The following LRRTM3 variants were observed in gnomAD, a reference collection of about 807,000 sequenced individuals.
The protein encoded by LRRTM3 is leucine rich repeat transmembrane neuronal 3, also known as leucine-rich repeat transmembrane neuronal protein 3.
Under a neutral mutation model 44.7 loss-of-function variants are expected in LRRTM3, and 24 were observed. The ratio of observed to expected loss-of-function variants is 0.54; its 90% confidence interval spans 0.39 to 0.76. LRRTM3 has a LOEUF of 0.76. Among genes scored for constraint, LRRTM3 ranks in the 30% least tolerant of loss-of-function variants. The pLI is 0.00. For synonymous variants in LRRTM3, 277 were observed against 278.7 expected, an observed-to-expected ratio of 0.99 and a Z score of 0.06; for missense variants, 587 against 702.2, an observed-to-expected ratio of 0.84 and a Z score of 1.85.
At chr10:67,059,290 T>A (rs1366925563) in intron 2 of LRRTM3, among the ~76,000 whole-genome samples, 1 of 152,012 alleles carries the variant, frequency 6.6e-6, no homozygotes, top group Non-Finnish European at 1.5e-5. Context: ...TGAATTGACA[T>A]CATGTTAGTG....
chr10:66,996,976 A>C (rs1466241711), intron 2 of LRRTM3, among the ~76,000 whole-genome samples: 1 of 152,134 alleles, frequency 6.6e-6, no homozygotes, highest in East Asian at 1.9e-4. Context: ...TCTTGGATTA[A>C]ATGCAAAAGA....
chr10:66,981,368 T>C (rs1850430596), intron 2 of LRRTM3, among the ~76,000 whole-genome samples: 1 of 152,240 alleles, frequency 6.6e-6, no homozygotes, highest in Non-Finnish European at 1.5e-5. Flanking sequence ...ATCAGCTCAC[T>C]CAGGCATAAG....
At chr10:66,994,216 T>C (rs1477067353) in intron 2 of LRRTM3, among the ~76,000 whole-genome samples, 2 of 152,076 alleles carry the variant, frequency 1.3e-5, no homozygotes, top group African/African-American at 4.8e-5. Context: ...GGTACTCCAG[T>C]GGTTAAAAGG....
At chr10:67,060,267 G>A (rs755718501) in intron 2 of LRRTM3, among the ~76,000 whole-genome samples, 6 of 152,242 alleles carry the variant, frequency 3.9e-5, no homozygotes, top group African/African-American at 7.2e-5. Context: ...GCAGTGAGCC[G>A]AGATTGTGCC....
intron 2 of LRRTM3, among the ~76,000 whole-genome samples, chr10:67,016,329 A>G (rs1329870644): frequency 6.6e-6 from 1 of 152,156 alleles, no homozygotes; most frequent in African/African-American, 2.4e-5. Flanking sequence ...TTCTTTCCAA[A>G]TATTTTATTT....
intron 2 of LRRTM3, among the ~76,000 whole-genome samples, chr10:67,032,541 T>C (rs528613280): frequency 1.3e-5 from 2 of 152,332 alleles, no homozygotes; most frequent in South Asian, 4.1e-4. Context: ...AAATACTCTC[T>C]ACAGATTTCT....
In LRRTM3 at chr10:67,097,879, C is replaced by CT. The variant is rs1858107595; in HGVS notation, c.*84dup. On this transcript the variant is annotated 3_prime_UTR_variant, in exon 3 of 3. Coordinates refer to ENST00000361320, the MANE Select transcript of LRRTM3 (RefSeq NM_178011.5). ...GAGGAAGATGTGTTCATTGTGGACTCTAAAAACAAAACAAAACACAAAATC... is the reference window on the plus strand; with the variant it reads ...GAGGAAGATGTGTTCATTGTGGACTCTTAAAAACAAAACAAAACACAAAATC... 2 of 1,239,892 alleles carry CT rather than the reference C, an allele frequency of 1.6e-6. No homozygotes were observed. The highest frequency in any genetic ancestry group is 2.6e-5 in the South Asian group (2 of 76,392). The allele number at this position is 1,239,892 out of a possible 1,614,324, so 76.8% of individuals were successfully genotyped here. A position where few individuals can be genotyped will look rare whatever the true frequency, so the allele number is the denominator to read the frequency against.
At chr10:66,985,887 C>T (rs558567318) in intron 2 of LRRTM3, among the ~76,000 whole-genome samples, 1 of 152,078 alleles carries the variant, frequency 6.6e-6, no homozygotes, top group Non-Finnish European at 1.5e-5. Context: ...GCCACCACAC[C>T]CAGCTAATTT....
intron 2 of LRRTM3, among the ~76,000 whole-genome samples, chr10:66,983,458 C>T (rs1850561157): frequency 6.6e-6 from 1 of 151,154 alleles, no homozygotes; most frequent in South Asian, 2.1e-4. Flanking sequence ...GAACAAGAAA[C>T]CCACCTAACC....
chr10:66,979,227 C>T (rs1487400958), intron 2 of LRRTM3, among the ~76,000 whole-genome samples: 1 of 152,024 alleles, frequency 6.6e-6, no homozygotes, highest in Non-Finnish European at 1.5e-5. Context: ...CTCGGCCTCC[C>T]AAAGTGCTGG....
intron 2 of LRRTM3, among the ~76,000 whole-genome samples, chr10:67,060,838 A>G (rs1314620986): frequency 1.3e-5 from 2 of 148,498 alleles, no homozygotes; most frequent in African/African-American, 5.1e-5. Flanking sequence ...ATATGACATG[A>G]AAAAGAAATA....
At chr10:67,092,099 C>A (rs551799568) in intron 2 of LRRTM3, among the ~76,000 whole-genome samples, 2 of 152,000 alleles carry the variant, frequency 1.3e-5, no homozygotes, top group South Asian at 4.2e-4. Flanking sequence ...AGGACTACAT[C>A]TAAAAAACTG....
chr10:66,930,888 T>G (rs559629094), intron 2 of LRRTM3, among the ~76,000 whole-genome samples: 15 of 152,266 alleles, frequency 9.9e-5, no homozygotes, highest in African/African-American at 2.9e-4. Flanking sequence ...AAAAAGTTCT[T>G]TCTTTCTCCT....
intron 2 of LRRTM3, among the ~76,000 whole-genome samples, chr10:66,954,462 C>T (rs946532665): frequency 2.0e-5 from 3 of 152,162 alleles, no homozygotes; most frequent in Non-Finnish European, 4.4e-5. Context: ...CTACTATGTA[C>T]AGGAGAGCAT....
intron 2 of LRRTM3, among the ~76,000 whole-genome samples, chr10:66,958,308 CAAAAAAAAAAA>C (rs35076056): frequency 1.0e-4 from 9 of 86,934 alleles, no homozygotes; most frequent in Non-Finnish European, 1.5e-4. Flanking sequence ...TGCTTTCTTG[CAAAAAAAAAAA>C]AAAAAAAAAA....
chr10:66,957,460 A>T (rs1848882177), intron 2 of LRRTM3, among the ~76,000 whole-genome samples: 1 of 51,008 alleles, frequency 2.0e-5, no homozygotes. Flanking sequence ...ATATATGCAT[A>T]TATATATATG....
At position 66,928,194 on chromosome 10, in the gene LRRTM3, G is replaced by C; in HGVS notation, c.1278G>C (p.Ala426=). ...SFHKIIAGSV[A]LFLSVLVILL... is the part of the protein sequence containing the mutation. ...ATAAAATCATCGCGGGCAGCGTGGC[G>C]CTTTTCCTGTCCGTGCTCGTCATCC... Residue 426 remains alanine, a synonymous_variant, in exon 2 of 3, where the codon GCG becomes GCC. Coordinates refer to ENST00000361320, the MANE Select transcript of LRRTM3 (RefSeq NM_178011.5). The C allele has an allele frequency of 6.2e-7, 1 of 1,614,088 alleles. No individual in the cohort carries two copies. Among genetic ancestry groups the C allele is most frequent in the Non-Finnish European group, 8.5e-7 (1 of 1,180,042 alleles).
chr10:66,980,737 G>A (rs763593495), intron 2 of LRRTM3, among the ~76,000 whole-genome samples: 24 of 152,230 alleles, frequency 1.6e-4, no homozygotes, highest in Middle Eastern at 3.4e-3. Context: ...AATGGGAATC[G>A]TCAATCTCAC....
intron 2 of LRRTM3, among the ~76,000 whole-genome samples, chr10:66,948,582 G>T (rs551444359): frequency 7.2e-4 from 110 of 152,130 alleles, no homozygotes; most frequent in African/African-American, 2.6e-3. Context: ...TTGATTTATG[G>T]AGCTTAACCA....
Sources: allele counts gnomAD v4.1 joint callset (sites outside exome capture counted in the v4.1 genomes callset), GRCh38; gene constraint gnomAD v4.1.1; transcripts MANE v1.5; gene names NCBI Gene and HGNC (gene_info 2026-07-23, HGNC 2026-07-21).